Variants in NPC1L1 observed in about 807,000 individuals in gnomAD.
NPC1L1 encodes NPC1 like intracellular cholesterol transporter 1, also known as NPC1-like intracellular cholesterol transporter 1.
Under a neutral mutation model 117.0 loss-of-function variants are expected in NPC1L1, and 98 were observed. The observed-to-expected ratio is 0.84, with a 90% CI of 0.71 to 0.99. The LOEUF (loss-of-function observed/expected upper bound fraction) is 0.99. NPC1L1 is among the 50% of genes least tolerant of loss of function. The pLI, the probability that NPC1L1 is intolerant of heterozygous loss-of-function variation, is 0.00. For missense variants in NPC1L1, 1,540 were observed against 1,710.0 expected (o/e 0.90, Z 1.75); for synonymous variants, 729 against 727.6 (o/e 1.00, Z -0.03).
chr7:44,516,504 GC>G (rs1563200675), intron 16 of NPC1L1, among the ~76,000 whole-genome samples, 198 bp downstream of exon 16: 2 of 152,144 alleles, frequency 1.3e-5, no homozygotes, highest in Admixed American at 1.3e-4. Flanking sequence ...TACTTTGGAG[GC>G]TGAGGTAGGA....
At position 44,534,677 on chromosome 7, in the gene NPC1L1, G is replaced by A; in HGVS notation, c.1984-48C>T. 7 of 1,600,402 alleles carry A rather than the reference G, an allele frequency of 4.4e-6. No individual in the cohort carries two copies. The highest frequency in any genetic ancestry group is 6.0e-6 in the Non-Finnish European group (7 of 1,170,556). ...CCCCTAGCCACTTAGCACCTACCCA[G>A]TATGCCCACCAGCCTCAGCTAGGCC... On this transcript the variant is annotated intron_variant, in intron 5 of 18. Coordinates refer to ENST00000381160, the MANE Select transcript of NPC1L1 (RefSeq NM_001101648.2). The surrounding 1 kb of genome is among the most constrained non-coding windows in gnomAD (Gnocchi z 5.2).
Position 44,531,758 on chromosome 7 carries a change from G to T in NPC1L1, c.2634C>A (p.Pro878=). 1 of 1,571,842 alleles carries T rather than the reference G, an allele frequency of 6.4e-7. No homozygotes were observed. Among genetic ancestry groups the T allele is most frequent in the Non-Finnish European group, 8.6e-7 (1 of 1,158,436 alleles). Residue 878 remains proline, a synonymous_variant, in exon 10 of 19, where the codon CCC becomes CCA. Transcript: ENST00000381160. ...GTTGAGAAGGGCCTGGGCTCACCTT[G>T]GGCAGGGCCAGCTCCTGGTCCAGTC... is the stretch of plus-strand genomic sequence containing the variant. ...SVGLDQELAL[P]KDSYLLDYFL...
chr7:44,531,686 TCC>T, intron 10 of NPC1L1, 67 bp downstream of exon 10: 1 of 1,395,204 alleles, frequency 7.2e-7, no homozygotes, highest in East Asian at 2.5e-5. Flanking sequence ...CCCCAACCCA[TCC>T]CTGCTGGTTG....
Position 44,532,120 on chromosome 7 carries a change from TA to T in NPC1L1, c.2506del (p.Tyr836MetfsTer24). On this transcript the variant is annotated frameshift_variant, in exon 9 of 19. Coordinates refer to ENST00000381160, the MANE Select transcript of NPC1L1 (RefSeq NM_001101648.2). LOFTEE classifies it high-confidence loss of function. The stretch of plus-strand genomic sequence containing the variant: ...GATCCAGTGCAGCAGGAAGGGGGCA[TA>T]AGCCTTTTGGAAGAAGCCAAGCAGG... Reference protein sequence around the residue: ...GLLLGFFQKAYAPFLLHWITR... With the variant: ...GLLLGFFQKAXAPFLLHWITR... The T allele has an allele frequency of 1.2e-6, 2 of 1,614,138 alleles. No individual in the cohort carries two copies. The highest frequency in any genetic ancestry group is 1.7e-6 in the Non-Finnish European group (2 of 1,180,036).
rs1801899233 is a variant in NPC1L1 at position 44,536,525 on chromosome 7, C to G, written c.1682-97G>C. 3 of 1,324,146 alleles carry G rather than the reference C, an allele frequency of 2.3e-6. No homozygotes were observed. The highest frequency in any genetic ancestry group is 3.2e-6 in the Non-Finnish European group (3 of 932,802). 82.0% of individuals were successfully genotyped at this position (1,324,146 alleles called of 1,614,324 possible). ...TTCCCTCCCCCTATCTAGCTGCACC[C>G]CTCCCATCACCCCTTGCTCCTTCTC... On this transcript the variant is annotated intron_variant, in intron 3 of 18. Transcript: ENST00000381160. This position sits in a 1 kb window ranked among gnomAD's most constrained non-coding sequence, Gnocchi z 4.7.
chr7:44,517,030 G>A, intron 15 of NPC1L1, 96 bp from the exon 16 acceptor site: 3 of 1,451,114 alleles, frequency 2.1e-6, no homozygotes, highest in Non-Finnish European at 2.9e-6. Context: ...TGAGGGTCAG[G>A]CAGGCTTATA....
At chr7:44,524,191 C>T (rs1585135041) in intron 10 of NPC1L1, among the ~76,000 whole-genome samples, 1 of 152,256 alleles carries the variant, frequency 6.6e-6, no homozygotes, top group South Asian at 2.1e-4. Flanking sequence ...AATGCAGTCT[C>T]AAAAATACCT....
In NPC1L1 at chr7:44,516,903, T is replaced by G; in HGVS notation, c.3319A>C (p.Thr1107Pro). Residue 1107 changes from threonine (T) to proline (P), a missense_variant, in exon 16 of 19, where the codon ACC (threonine) becomes CCC (proline). Around this residue, in one of 3 missense-constraint regions of NPC1L1, gnomAD observed 742 missense variants for 873.6 expected, o/e 0.85. Transcript: ENST00000381160. ...ATGAAGAGCCCCTCAGGGAGGATGG[T>G]CAGGTACTGCTCATAAAACACATTG... ...ITNVFYEQYL[T>P]ILPEGLFMLS... The G allele has an allele frequency of 6.2e-7, 1 of 1,613,862 alleles. No individual in the cohort carries two copies. The highest frequency in any genetic ancestry group is 8.5e-7 in the Non-Finnish European group (1 of 1,179,960).
At chr7:44,528,254 G>C (rs1801586901) in intron 10 of NPC1L1, among the ~76,000 whole-genome samples, 1 of 152,190 alleles carries the variant, frequency 6.6e-6, no homozygotes, top group Admixed American at 6.6e-5. Context: ...ACAGGCACGT[G>C]CCATCTTGCC....
chr7:44,529,154 CACACACA>C (rs1801619935), intron 10 of NPC1L1, among the ~76,000 whole-genome samples: 1 of 136,286 alleles, frequency 7.3e-6, no homozygotes, highest in Non-Finnish European at 1.6e-5. Flanking sequence ...CACACACACA[CACACACA>C]CACGATCGAG....
intron 18 of NPC1L1, among the ~76,000 whole-genome samples, chr7:44,515,333 G>C (rs1212604276): frequency 2.0e-5 from 3 of 152,152 alleles, no homozygotes; most frequent in Admixed American, 2.0e-4. Context: ...CAGCCTGGGT[G>C]TCAGAGCAAG....
At chr7:44,529,113 AC>A (rs1801617958) in intron 10 of NPC1L1, among the ~76,000 whole-genome samples, 1 of 104 alleles carries the variant, frequency 9.6e-3, no homozygotes, top group African/African-American at 0.033. Flanking sequence ...TGAATTAAAC[AC>A]ACACACACAC....
At chr7:44,528,835 G>A (rs954200253) in intron 10 of NPC1L1, among the ~76,000 whole-genome samples, 3 of 152,082 alleles carry the variant, frequency 2.0e-5, no homozygotes, top group Non-Finnish European at 2.9e-5. Flanking sequence ...TTGGGAAGCC[G>A]AGGTGGGTGG....
chr7:44,531,964 C>T, intron 9 of NPC1L1, 116 bp downstream of exon 9: 2 of 1,544,174 alleles, frequency 1.3e-6, no homozygotes, highest in Non-Finnish European at 1.8e-6. Context: ...ACTTGCGTGC[C>T]AGCCCCAAGT....
chr7:44,513,962 C>T (rs150223645), intron 18 of NPC1L1, among the ~76,000 whole-genome samples: 7 of 152,134 alleles, frequency 4.6e-5, no homozygotes, highest in Admixed American at 1.3e-4. Context: ...CCACCCCCAG[C>T]GCACACACTC....
intron 13 of NPC1L1, 30 bp downstream of exon 13, chr7:44,520,962 C>T (rs1160565981): frequency 6.2e-7 from 1 of 1,614,200 alleles, no homozygotes; most frequent in Admixed American, 1.7e-5. Context: ...CATGTCTGTC[C>T]TCCCCAGCAG....
chr7:44,529,161 A>T (rs966868795), intron 10 of NPC1L1, among the ~76,000 whole-genome samples: 10 of 120,192 alleles, frequency 8.3e-5, no homozygotes, highest in Admixed American at 2.6e-4. Context: ...ACACACACAC[A>T]CACGATCGAG....
chr7:44,516,916 A>G lies in NPC1L1; in HGVS notation c.3306T>C (p.Tyr1102=). ...CAGGGAGGATGGTCAGGTACTGCTC[A>G]TAAAACACATTGGTGATCCTGCCAG... ...VFPYTITNVF[Y]EQYLTILPEG... is the part of the protein sequence containing the mutation. Residue 1102 remains tyrosine, a synonymous_variant, in exon 16 of 19, where the codon TAT becomes TAC. Transcript: ENST00000381160. The G allele has an allele frequency of 6.2e-7, 1 of 1,613,628 alleles. No individual in the cohort carries two copies. The highest frequency in any genetic ancestry group is 8.5e-7 in the Non-Finnish European group (1 of 1,179,900).
rs565991480 is a variant in NPC1L1 at position 44,536,309 on chromosome 7, G to A, written c.1801C>T (p.Arg601Ter). 8 of 1,614,242 alleles carry A rather than the reference G, an allele frequency of 5.0e-6. No individual in the cohort carries two copies. Among genetic ancestry groups the A allele is most frequent in the African/African-American group, 4.0e-5 (3 of 75,056 alleles). Residue 601 changes from arginine (R) to a stop codon, truncating the protein, a stop_gained, in exon 4 of 19, where the codon CGA (arginine) becomes TGA (stop). Transcript: ENST00000381160. LOFTEE classifies it high-confidence loss of function. This position sits in a 1 kb window ranked among gnomAD's most constrained non-coding sequence, Gnocchi z 4.7. ...LWEEAFLEEM[R>*]AFQRRMAGMF... ...CCAGCCATCCGACGCTGGAAGGCTC[G>A]CATTTCCTCTAAGAAGGCCTCCTCC...
Sources: gnomAD v4.1 joint callset for allele counts (sites outside exome capture counted in the v4.1 genomes callset) on GRCh38, gnomAD v4.1.1 for gene constraint, gnomAD v4.1.1 regional missense constraint, Gnocchi (gnomAD v3.1) non-coding constraint, MANE v1.5 for transcripts, NCBI Gene and HGNC (gene_info 2026-07-23, HGNC 2026-07-21) for gene names.